Variants in GPC6 observed in about 807,000 individuals in gnomAD.
GPC6 encodes glypican-6.
GPC6 carries 14 observed loss-of-function variants against 55.2 expected under a neutral mutation model. The observed-to-expected ratio is 0.25, with a 90% confidence interval of 0.17 to 0.40. The LOEUF (loss-of-function observed/expected upper bound fraction) is 0.40. Among genes scored for constraint, GPC6 ranks in the 10% least tolerant of loss-of-function variants. The pLI is 1.00. For missense variants in GPC6, 641 were observed against 708.5 expected (o/e 0.90, Z 1.08); for synonymous variants, 278 against 259.6 (o/e 1.07, Z -0.68).
intron 1 of GPC6, among the ~76,000 whole-genome samples, chr13:93,368,531 A>G (rs897296926): frequency 6.6e-6 from 1 of 151,916 alleles, no homozygotes; most frequent in South Asian, 2.1e-4. Flanking sequence ...AAAGACATGG[A>G]TTTCATTTAT....
intron 2 of GPC6, among the ~76,000 whole-genome samples, chr13:93,655,464 G>A (rs1221050415): frequency 2.6e-5 from 4 of 152,008 alleles, no homozygotes; most frequent in Non-Finnish European, 4.4e-5. Context: ...AAGGCAAGGC[G>A]GTGTAAAGGT....
At chr13:94,047,504 A>G (rs994061985) in intron 4 of GPC6, among the ~76,000 whole-genome samples, 2 of 152,028 alleles carry the variant, frequency 1.3e-5, no homozygotes, top group African/African-American at 2.4e-5. Context: ...AACAAGAAGT[A>G]TGGAAGAAAA....
intron 4 of GPC6, among the ~76,000 whole-genome samples, chr13:94,241,801 T>C (rs1891060969): frequency 6.6e-6 from 1 of 152,130 alleles, no homozygotes; most frequent in Admixed American, 6.6e-5. Context: ...TACCCCTAAA[T>C]GTGAATGAGT....
At chr13:94,100,109 T>G (rs1885802723) in intron 4 of GPC6, among the ~76,000 whole-genome samples, 1 of 152,130 alleles carries the variant, frequency 6.6e-6, no homozygotes, top group South Asian at 2.1e-4. Context: ...CTAAAATAAT[T>G]GTTAATAAGA....
At chr13:94,014,470 T>C (rs182971646) in intron 3 of GPC6, among the ~76,000 whole-genome samples, 185 of 152,298 alleles carry the variant, frequency 1.2e-3, no homozygotes, top group African/African-American at 4.1e-3. Flanking sequence ...CAGTAGGAAT[T>C]CATTTGTTGG....
intron 7 of GPC6, among the ~76,000 whole-genome samples, chr13:94,392,613 G>A (rs1880701178): frequency 1.3e-5 from 2 of 151,614 alleles, no homozygotes; most frequent in South Asian, 2.1e-4. Flanking sequence ...ATTTTTAGTA[G>A]AGATGGGGTT....
chr13:94,215,666 A>G (rs1032029264), intron 4 of GPC6, among the ~76,000 whole-genome samples: 1 of 152,174 alleles, frequency 6.6e-6, no homozygotes, highest in African/African-American at 2.4e-5. Context: ...TAAAGTTACA[A>G]AACTAACCAC....
chr13:94,096,816 C>T (rs1384921322), intron 4 of GPC6, among the ~76,000 whole-genome samples: 1 of 152,166 alleles, frequency 6.6e-6, no homozygotes, highest in African/African-American at 2.4e-5. Flanking sequence ...TAAATGGTCT[C>T]ACCAGTTCAC....
At chr13:93,719,997 G>A (rs1883396038) in intron 2 of GPC6, among the ~76,000 whole-genome samples, 1 of 152,066 alleles carries the variant, frequency 6.6e-6, no homozygotes, top group African/African-American at 2.4e-5. Context: ...GTATTTTATT[G>A]AGAATTTTCG....
At chr13:93,720,402 T>C (rs1477820636) in intron 2 of GPC6, among the ~76,000 whole-genome samples, 4 of 152,106 alleles carry the variant, frequency 2.6e-5, no homozygotes, top group Non-Finnish European at 5.9e-5. Context: ...TTCTGTGGGA[T>C]CAGTGATGAT....
intron 2 of GPC6, among the ~76,000 whole-genome samples, chr13:93,740,667 A>C (rs1337605964): frequency 6.6e-6 from 1 of 152,254 alleles, no homozygotes; most frequent in Non-Finnish European, 1.5e-5. Flanking sequence ...TTTTAGTAGA[A>C]AGCAAGTGGC....
intron 1 of GPC6, among the ~76,000 whole-genome samples, chr13:93,304,334 G>T (rs924498467): frequency 6.6e-6 from 1 of 152,314 alleles, no homozygotes. Context: ...TGCAGCCAGC[G>T]CGAGGTTTTC....
intron 6 of GPC6, among the ~76,000 whole-genome samples, chr13:94,325,578 G>C (rs1448515410): frequency 6.6e-6 from 1 of 152,096 alleles, no homozygotes; most frequent in Non-Finnish European, 1.5e-5. Flanking sequence ...AAAAGCTATG[G>C]CTCTATTGAT....
intron 1 of GPC6, among the ~76,000 whole-genome samples, chr13:93,492,034 G>T (rs1390241806): frequency 7.1e-6 from 1 of 141,692 alleles, no homozygotes; most frequent in Non-Finnish European, 1.5e-5. Context: ...GAACTTTAAA[G>T]TAGTTTTTTC....
At chr13:93,976,870 T>A (rs1229786795) in intron 3 of GPC6, among the ~76,000 whole-genome samples, 1 of 152,044 alleles carries the variant, frequency 6.6e-6, no homozygotes, top group Non-Finnish European at 1.5e-5. Flanking sequence ...TATCCATATT[T>A]CTATGCTTGG....
chr13:93,953,530 T>A (rs1239883959), intron 3 of GPC6, among the ~76,000 whole-genome samples: 1 of 152,232 alleles, frequency 6.6e-6, no homozygotes, highest in African/African-American at 2.4e-5. Flanking sequence ...CCACATCTTG[T>A]TCATTCTAGC....
At chr13:94,381,253 G>A (rs2093710) in intron 6 of GPC6, among the ~76,000 whole-genome samples, 98,354 of 151,970 alleles carry the variant, frequency 0.65, 32,014 homozygotes, top group Middle Eastern at 0.77. Flanking sequence ...TGCTAAGGCC[G>A]TCATAACAAA....
chr13:93,500,288 G>A lies in GPC6; in HGVS notation c.161-44975G>A, dbSNP rs573265285. Among the ~76,000 whole-genome samples, 3 of 152,216 alleles carry A rather than the reference G, an allele frequency of 2.0e-5. No individual in the cohort carries two copies. The East Asian group carries it at 5.8e-4, about 29-fold the overall frequency. ...ATGATTCCTGTAATAACTTGGTAAG[G>A]AATAAGAAAGCAAAACACTTAGAAT... On this transcript the variant is annotated intron_variant, in intron 1 of 8. Coordinates refer to ENST00000377047, the MANE Select transcript of GPC6 (RefSeq NM_005708.5).
chr13:93,386,098 T>TAAAAA (rs34852109), intron 1 of GPC6, among the ~76,000 whole-genome samples: 3,543 of 127,554 alleles, frequency 0.028, 163 homozygotes, highest in African/African-American at 0.095. Context: ...ACCACTTTGT[T>TAAAAA]AAAAAAAAAA....
Sources: gnomAD v4.1 joint callset for allele counts (sites outside exome capture counted in the v4.1 genomes callset) on GRCh38, gnomAD v4.1.1 for gene constraint, MANE v1.5 for transcripts, NCBI Gene and HGNC (gene_info 2026-07-23, HGNC 2026-07-21) for gene names.